TSPEAR: variants seen among roughly 807,000 people sequenced by gnomAD.
TSPEAR encodes thrombospondin type laminin G domain and EAR repeats.
In TSPEAR, 69 loss-of-function variants were observed where a neutral mutation model predicts 71.6. That is an observed-to-expected ratio of 0.96 (90% CI 0.79 to 1.18). The LOEUF (loss-of-function observed/expected upper bound fraction) is 1.18, where lower values mean the gene tolerates loss of function less well. TSPEAR is among the 50% of genes most tolerant of loss of function. The pLI, the probability that TSPEAR is intolerant of heterozygous loss-of-function variation, is 0.00. For synonymous variants in TSPEAR, 402 were observed against 387.2 expected (o/e 1.04, Z -0.45); for missense variants, 971 against 894.9 (o/e 1.09, Z -1.09).
rs374953227 is a variant in TSPEAR at position 44,499,914 on chromosome 21, C to T, written c.1879G>A (p.Val627Met). ...ACGGTGGGGAGGCTGTGCACCGCCA[C>T]GAAGCCCTCGTAGCCCTGCCACCTG... ...IYRWQGYEGF[V>M]AVHSLPTVGC... Residue 627 changes from valine to methionine, a missense_variant, in exon 12 of 12, where the codon GTG (valine) becomes ATG (methionine). Val to Met is a conservative substitution (Grantham distance 21). Transcript: ENST00000323084. The T allele has an allele frequency of 1.2e-4, 185 of 1,607,784 alleles. No homozygotes were observed. Among genetic ancestry groups the T allele is most frequent in the African/African-American group, 2.9e-4 (22 of 74,716 alleles).
intron 10 of TSPEAR, chr21:44,508,745 GTGTT>G (rs1285032209): frequency 1.6e-6 from 2 of 1,265,512 alleles, no homozygotes; most frequent in Non-Finnish European, 2.1e-6. Flanking sequence ...CCGTGTCCTG[GTGTT>G]TGTTGTCGGG....
intron 1 of TSPEAR, among the ~76,000 whole-genome samples, chr21:44,622,999 G>A (rs1982542836): frequency 6.6e-6 from 1 of 152,032 alleles, no homozygotes; most frequent in Non-Finnish European, 1.5e-5. Context: ...CTACTCTTTT[G>A]CCATGTGACA....
chr21:44,578,204 G>T (rs1463659118), intron 1 of TSPEAR, among the ~76,000 whole-genome samples: 16 of 152,130 alleles, frequency 1.1e-4, no homozygotes, highest in Admixed American at 9.2e-4. Flanking sequence ...TGAATAAAAG[G>T]TTGCCACTAC....
chr21:44,525,735 G>C lies in TSPEAR; in HGVS notation c.1254C>G (p.Ser418Arg). The C allele has an allele frequency of 6.2e-7, 1 of 1,614,192 alleles. No homozygotes were observed. The highest frequency in any genetic ancestry group is 8.5e-7 in the Non-Finnish European group (1 of 1,180,046). Reference sequence around the variant, plus strand: ...AGTCTCGGGCGCTGTGTGTGGCAATGCTCTGATATGGGGTAAACTTCAGCT... The same window carrying C: ...AGTCTCGGGCGCTGTGTGTGGCAATCCTCTGATATGGGGTAAACTTCAGCT... ...HRKLKFTPYQ[S>R]IATHSARDWE... The change falls in exon 8 of 12, where the codon AGC becomes AGG. Residue 418 changes from serine (S) to arginine (R), a missense_variant. Transcript: ENST00000323084.
intron 1 of TSPEAR, among the ~76,000 whole-genome samples, chr21:44,664,816 C>T (rs769373941): frequency 5.0e-4 from 76 of 152,208 alleles, no homozygotes; most frequent in Admixed American, 5.0e-3. Context: ...CCATGTGGAG[C>T]ACTAGCATCA....
chr21:44,665,811 T>G (rs1268995196), intron 1 of TSPEAR, among the ~76,000 whole-genome samples: 1 of 152,152 alleles, frequency 6.6e-6, no homozygotes, highest in Non-Finnish European at 1.5e-5. Flanking sequence ...TCCAGTTCTG[T>G]AAACTTGAGA....
At chr21:44,608,311 G>T (rs1555930172) in intron 1 of TSPEAR, among the ~76,000 whole-genome samples, 2 of 152,212 alleles carry the variant, frequency 1.3e-5, no homozygotes, top group African/African-American at 4.8e-5. Flanking sequence ...AAGCCAGCAT[G>T]CCCTGGCTCA....
At chr21:44,685,108 G>A (rs1555948738) in intron 1 of TSPEAR, among the ~76,000 whole-genome samples, 2 of 152,094 alleles carry the variant, frequency 1.3e-5, no homozygotes, top group East Asian at 1.9e-4. Flanking sequence ...CAGCCTTGGA[G>A]GGGATTTCAT....
chr21:44,698,024 C>T (rs1390673356), intron 1 of TSPEAR: 3 of 1,483,552 alleles, frequency 2.0e-6, no homozygotes, highest in Non-Finnish European at 2.7e-6. Context: ...ACCTCTCCCA[C>T]TACTGGCCCC....
At chr21:44,646,809 T>C (rs587618254) in intron 1 of TSPEAR, 20 of 1,612,124 alleles carry the variant, frequency 1.2e-5, no homozygotes, top group Admixed American at 3.3e-5. Context: ...GCTGTGTGCC[T>C]GTCTGCTGTG....
chr21:44,657,863 C>A, intron 1 of TSPEAR: 1 of 953,206 alleles, frequency 1.0e-6, no homozygotes, highest in Non-Finnish European at 1.6e-6. Context: ...ACAAGGAAGA[C>A]AACAGTTGTG....
chr21:44,697,067 G>T, intron 1 of TSPEAR: 1 of 973,290 alleles, frequency 1.0e-6, no homozygotes, highest in South Asian at 2.0e-5. Context: ...GCACCCAGAC[G>T]CTCACTCACT....
At position 44,524,025 on chromosome 21, in the gene TSPEAR, GTAGT is replaced by G. The variant is rs587621138; in HGVS notation, c.1336+1624_1336+1627del. Among the ~76,000 whole-genome samples the G allele has an allele frequency of 1.2e-3, 185 of 150,268 alleles. 3 individuals are homozygous for G. The highest frequency in any genetic ancestry group is 7.0e-3 in the Middle Eastern group (2 of 284). On this transcript the variant is annotated intron_variant, in intron 8 of 11. Coordinates refer to ENST00000323084, the MANE Select transcript of TSPEAR (RefSeq NM_144991.3). ...AGTCAGGTAGTTAGTCATCAGTCAG[GTAGT>G]TAGTCAGTTGTCAGGTAGTCACTCA...
chr21:44,662,013 ATAAC>A (rs1332409138), intron 1 of TSPEAR, among the ~76,000 whole-genome samples: 2 of 152,244 alleles, frequency 1.3e-5, no homozygotes, highest in African/African-American at 4.8e-5. Flanking sequence ...ATAAAAGGGA[ATAAC>A]TAAGAATACT....
chr21:44,527,805 G>A (rs587760523), intron 6 of TSPEAR, among the ~76,000 whole-genome samples: 1 of 152,308 alleles, frequency 6.6e-6, no homozygotes, highest in East Asian at 1.9e-4. Context: ...TTGTGCTCTC[G>A]ATAATGTGAA....
chr21:44,681,770 A>T, intron 1 of TSPEAR: 1 of 1,550,016 alleles, frequency 6.5e-7, no homozygotes, highest in Non-Finnish European at 8.7e-7. Flanking sequence ...CTGAGGACTC[A>T]TCCAGGGAGT....
chr21:44,634,043 G>A (rs782385018), intron 1 of TSPEAR, among the ~76,000 whole-genome samples: 1 of 152,104 alleles, frequency 6.6e-6, no homozygotes, highest in Non-Finnish European at 1.5e-5. Context: ...CCAAGAGTTC[G>A]AGACCAGCCT....
At chr21:44,535,627 G>C (rs997569802) in intron 2 of TSPEAR, among the ~76,000 whole-genome samples, 1 of 152,146 alleles carries the variant, frequency 6.6e-6, no homozygotes, top group East Asian at 1.9e-4. Flanking sequence ...GTAGCGTGCT[G>C]GAAGTAGCTG....
intron 1 of TSPEAR, among the ~76,000 whole-genome samples, chr21:44,694,633 T>C (rs1987252389): frequency 6.6e-6 from 1 of 152,362 alleles, no homozygotes; most frequent in East Asian, 1.9e-4. Flanking sequence ...ATGTTATATA[T>C]ATTTTATCAC....
Sources: allele counts gnomAD v4.1 joint callset (sites outside exome capture counted in the v4.1 genomes callset), GRCh38; gene constraint gnomAD v4.1.1; transcripts MANE v1.5; gene names NCBI Gene and HGNC (gene_info 2026-07-23, HGNC 2026-07-21).